PSMG4: variants seen among roughly 807,000 people sequenced by gnomAD.
PSMG4 encodes proteasome (prosome, macropain) assembly chaperone 4.
In PSMG4, 10 loss-of-function variants were observed where a neutral mutation model predicts 11.0. The observed-to-expected ratio is 0.91, with a 90% CI of 0.56 to 1.54. PSMG4 has a LOEUF of 1.54. Ranked by LOEUF, PSMG4 falls within the 40% of genes most tolerant of loss-of-function variation. The probability of loss-of-function intolerance (pLI) is 0.00; values close to 1 mark genes in which losing one functional copy is unlikely to be tolerated. For missense variants in PSMG4, 198 were observed against 160.9 expected (o/e 1.23, Z -1.25); for synonymous variants, 95 against 71.3 (o/e 1.33, Z -1.68).
chr6:3,261,640 C>T (rs944136031), intron 1 of PSMG4, among the ~76,000 whole-genome samples: 18 of 152,302 alleles, frequency 1.2e-4, no homozygotes, highest in Middle Eastern at 3.4e-3. Context: ...TCTCACTGGC[C>T]GCAGTGTGCC....
chr6:3,255,116 C>T (rs193092455), upstream of PSMG4: 759 of 1,551,042 alleles, frequency 4.9e-4, 8 homozygotes, highest in Admixed American at 0.012. Flanking sequence ...ACAACATCAC[C>T]AGCTTACCAC....
intron 1 of PSMG4, 148 bp from the exon 2 acceptor site, chr6:3,263,536 G>T (rs551745943): frequency 3.2e-6 from 2 of 627,616 alleles, no homozygotes; most frequent in Admixed American, 3.4e-5. Flanking sequence ...GTTGACGGAC[G>T]CCACCCCTCT....
upstream of PSMG4, chr6:3,255,181 T>G: frequency 6.4e-7 from 1 of 1,550,656 alleles, no homozygotes. Context: ...ACATGTGCGC[T>G]CTGGTGGAAG....
upstream of PSMG4, chr6:3,254,998 G>A (rs558291814): frequency 1.9e-4 from 297 of 1,532,722 alleles, 1 homozygote; most frequent in African/African-American, 3.0e-3. Flanking sequence ...TGGACCTAGC[G>A]CACTCCCATG....
chr6:3,254,932 TCA>T (rs968596307), upstream of PSMG4: 2 of 1,162,792 alleles, frequency 1.7e-6, no homozygotes, highest in African/African-American at 1.6e-5. Context: ...AGCCATTCTC[TCA>T]CTGGGTGTCA....
intron 1 of PSMG4, among the ~76,000 whole-genome samples, chr6:3,262,288 C>T (rs1400358554): frequency 1.3e-5 from 2 of 152,176 alleles, no homozygotes; most frequent in Non-Finnish European, 2.9e-5. Flanking sequence ...TTAAGGGTGA[C>T]ACGATGGGGC....
chr6:3,254,693 A>G (rs1340785094), upstream of PSMG4, among the ~76,000 whole-genome samples: 1 of 152,112 alleles, frequency 6.6e-6, no homozygotes, highest in African/African-American at 2.4e-5. Flanking sequence ...CTCAACAGAA[A>G]GAAGCTGTGG....
At chr6:3,263,554 G>T in intron 1 of PSMG4, 130 bp from the exon 2 acceptor site, 5 of 723,382 alleles carry the variant, frequency 6.9e-6, no homozygotes, top group Non-Finnish European at 1.1e-5. Context: ...TCTTTCCCTC[G>T]GCACCTGTGC....
chr6:3,259,422 C>T (rs1472707079), intron 1 of PSMG4, among the ~76,000 whole-genome samples: 1 of 152,268 alleles, frequency 6.6e-6, no homozygotes, highest in African/African-American at 2.4e-5. Flanking sequence ...CGCCCCGCAG[C>T]TGCGTCCCGC....
upstream of PSMG4, among the ~76,000 whole-genome samples, chr6:3,254,495 T>TA (rs1285232660): frequency 2.6e-5 from 4 of 151,990 alleles, no homozygotes; most frequent in South Asian, 6.2e-4. Flanking sequence ...GCTGGTGGTT[T>TA]TTTGTGTATG....
upstream of PSMG4, among the ~76,000 whole-genome samples, chr6:3,255,641 A>C (rs1757736966): frequency 6.6e-6 from 1 of 152,182 alleles, no homozygotes; most frequent in Admixed American, 6.5e-5. Flanking sequence ...GCTTGCGCCC[A>C]CAGACAAACG....
upstream of PSMG4, chr6:3,254,930 T>C (rs1757697804): frequency 6.1e-6 from 7 of 1,146,268 alleles, no homozygotes; most frequent in South Asian, 6.4e-5. Flanking sequence ...TCAGCCATTC[T>C]CTCACTGGGT....
chr6:3,254,909 G>GA (rs1757696696), upstream of PSMG4: 1 of 890,926 alleles, frequency 1.1e-6, no homozygotes, highest in Middle Eastern at 2.9e-4. Context: ...AATGATCTCT[G>GA]AGCTGGTGCT....
At chr6:3,262,387 A>G (rs1168158270) in intron 1 of PSMG4, among the ~76,000 whole-genome samples, 1 of 152,258 alleles carries the variant, frequency 6.6e-6, no homozygotes, top group Non-Finnish European at 1.5e-5. Flanking sequence ...TACTATTACC[A>G]TGCAGCTAAA....
At chr6:3,254,606 T>G (rs1217610691), upstream of PSMG4, among the ~76,000 whole-genome samples, 2 of 152,196 alleles carry the variant, frequency 1.3e-5, no homozygotes, top group Non-Finnish European at 2.9e-5. Context: ...ATAATTCCAG[T>G]AGGCGTAGCT....
chr6:3,255,468 C>A (rs1261368038), upstream of PSMG4, among the ~76,000 whole-genome samples: 1 of 152,138 alleles, frequency 6.6e-6, no homozygotes, highest in African/African-American at 2.4e-5. Context: ...TTTTATCTTC[C>A]CGTCTTTCTC....
At chr6:3,259,982 C>T (rs746080092) in intron 1 of PSMG4, among the ~76,000 whole-genome samples, 2 of 152,318 alleles carry the variant, frequency 1.3e-5, no homozygotes, top group Middle Eastern at 3.4e-3. Context: ...CACTGTCACC[C>T]AGGCTGGGGT....
intron 2 of PSMG4, chr6:3,266,645 C>T (rs1758191813): frequency 6.6e-6 from 1 of 152,122 alleles, no homozygotes; most frequent in African/African-American, 2.4e-5. Context: ...CAATGTGCAC[C>T]TCAGCCATTT....
At chr6:3,258,860 A>G (rs1417143306), upstream of PSMG4, 2 of 624,374 alleles carry the variant, frequency 3.2e-6, no homozygotes, top group Non-Finnish European at 4.6e-6. Flanking sequence ...CCCCAACCCA[A>G]GCCCGGGATC....
Sources: allele counts gnomAD v4.1 joint callset (sites outside exome capture counted in the v4.1 genomes callset), GRCh38; gene constraint gnomAD v4.1.1; transcripts MANE v1.5; gene names NCBI Gene and HGNC (gene_info 2026-07-23, HGNC 2026-07-21).